The following GRIK4 variants were observed in gnomAD, a reference collection of about 807,000 sequenced individuals.
GRIK4 encodes glutamate ionotropic receptor kainate type subunit 4, also known as glutamate receptor ionotropic, kainate 4.
Under a neutral mutation model 104.9 loss-of-function variants are expected in GRIK4, and 40 were observed. That is an observed-to-expected ratio of 0.38 (90% confidence interval 0.30 to 0.50). The LOEUF (loss-of-function observed/expected upper bound fraction) is 0.50. Among genes scored for constraint, GRIK4 ranks in the 20% least tolerant of loss-of-function variants. The probability of loss-of-function intolerance (pLI) is 0.93; values close to 1 mark genes in which losing one functional copy is unlikely to be tolerated. For synonymous variants in GRIK4, 485 were observed against 524.9 expected (o/e 0.92, Z 1.04); for missense variants, 1,047 against 1,308.1 (o/e 0.80, Z 3.08).
At chr11:120,638,995 G>C (rs868188403) in intron 1 of GRIK4, among the ~76,000 whole-genome samples, 2 of 151,606 alleles carry the variant, frequency 1.3e-5, no homozygotes, top group Non-Finnish European at 2.9e-5. Flanking sequence ...TCAGGAGTTC[G>C]AAACCAGCCT....
chr11:120,751,156 C>T (rs920200124), intron 3 of GRIK4, among the ~76,000 whole-genome samples: 1 of 151,906 alleles, frequency 6.6e-6, no homozygotes, highest in African/African-American at 2.4e-5. Context: ...GCTCACCACC[C>T]AGACTCCCTA....
rs536761308 is a variant in GRIK4 at position 120,676,861 on chromosome 11, G to T, written c.82+16461G>T. On this transcript the variant is annotated intron_variant, in intron 3 of 20. Coordinates refer to ENST00000527524, the MANE Select transcript of GRIK4 (RefSeq NM_014619.5). ...TGGGTTTTAGGATGTGGGCATCTTTGGGGGCCATTATTCTTTCTACAACAA... is the reference window on the plus strand; with the variant it reads ...TGGGTTTTAGGATGTGGGCATCTTTTGGGGCCATTATTCTTTCTACAACAA... 7.5e-4 allele frequency among the ~76,000 whole-genome samples: 114 copies of T among 152,308 alleles called. 1 individual carries two copies. The South Asian group carries it at 0.016, about 21-fold the overall frequency.
At chr11:120,652,563 C>T (rs1949634488) in intron 1 of GRIK4, among the ~76,000 whole-genome samples, 2 of 152,140 alleles carry the variant, frequency 1.3e-5, no homozygotes, top group Admixed American at 1.3e-4. Flanking sequence ...GGAGTTTCTC[C>T]CAGCCAGTGG....
chr11:120,918,646 G>T (rs972460208), intron 13 of GRIK4, among the ~76,000 whole-genome samples: 1 of 152,146 alleles, frequency 6.6e-6, no homozygotes, highest in Non-Finnish European at 1.5e-5. Flanking sequence ...CACTAAGTCT[G>T]CTCAGAGGGC....
chr11:120,632,150 T>C (rs1469242080), intron 1 of GRIK4, among the ~76,000 whole-genome samples: 1 of 152,150 alleles, frequency 6.6e-6, no homozygotes, highest in Non-Finnish European at 1.5e-5. Flanking sequence ...GCCTCATGAA[T>C]GGGATGTGTG....
At chr11:120,886,323 G>T (rs1259835451) in intron 11 of GRIK4, among the ~76,000 whole-genome samples, 4 of 152,112 alleles carry the variant, frequency 2.6e-5, no homozygotes, top group South Asian at 2.1e-4. Flanking sequence ...CTTTTTCTTG[G>T]TAATGTTTCT....
intron 3 of GRIK4, among the ~76,000 whole-genome samples, chr11:120,672,631 A>G (rs1309328580): frequency 6.6e-6 from 1 of 152,114 alleles, no homozygotes; most frequent in Non-Finnish European, 1.5e-5. Context: ...GTTCTCCTTG[A>G]AGAGGTCCTT....
chr11:120,654,936 A>G (rs1949680901), intron 2 of GRIK4, among the ~76,000 whole-genome samples: 1 of 152,038 alleles, frequency 6.6e-6, no homozygotes, highest in Non-Finnish European at 1.5e-5. Flanking sequence ...CTCGGCATAT[A>G]TTACTGTGAT....
At chr11:120,755,641 A>T (rs971310612) in intron 3 of GRIK4, among the ~76,000 whole-genome samples, 4 of 149,434 alleles carry the variant, frequency 2.7e-5, no homozygotes, top group South Asian at 2.1e-4. Flanking sequence ...CAAAGATAAT[A>T]AATAATAATA....
chr11:120,958,630 G>A (rs1440770912), intron 16 of GRIK4, among the ~76,000 whole-genome samples: 3 of 152,214 alleles, frequency 2.0e-5, no homozygotes, highest in Non-Finnish European at 2.9e-5. Context: ...ACACAGGAGC[G>A]AGGCTCCACT....
intron 19 of GRIK4, among the ~76,000 whole-genome samples, chr11:120,971,880 T>G (rs984254273): frequency 2.0e-5 from 3 of 152,204 alleles, no homozygotes; most frequent in African/African-American, 7.2e-5. Flanking sequence ...CTTAAGGGAC[T>G]GTTGAAAACC....
chr11:120,644,010 T>A (rs1455791899), intron 1 of GRIK4, among the ~76,000 whole-genome samples: 1 of 103,680 alleles, frequency 9.6e-6, no homozygotes, highest in Non-Finnish European at 1.9e-5. Context: ...GGGGAGAGGG[T>A]CTGTGTGTGT....
chr11:120,863,623 G>T (rs1053488343), intron 9 of GRIK4, among the ~76,000 whole-genome samples: 7 of 152,204 alleles, frequency 4.6e-5, no homozygotes, highest in African/African-American at 1.7e-4. Flanking sequence ...AATGGAATTG[G>T]GTACACTCCT....
At chr11:120,529,764 G>A (rs373606907) in intron 1 of GRIK4, among the ~76,000 whole-genome samples, 2 of 152,188 alleles carry the variant, frequency 1.3e-5, no homozygotes, top group African/African-American at 4.8e-5. Context: ...TTGCTTTTAG[G>A]TGCTTTCACA....
chr11:120,769,300 C>T (rs35114640), intron 3 of GRIK4, among the ~76,000 whole-genome samples: 14 of 151,810 alleles, frequency 9.2e-5, no homozygotes, highest in Admixed American at 5.2e-4. Flanking sequence ...CATTTCCTCT[C>T]GGTTGTTCAG....
At chr11:120,901,396 T>C (rs1335485625) in intron 12 of GRIK4, among the ~76,000 whole-genome samples, 1 of 152,074 alleles carries the variant, frequency 6.6e-6, no homozygotes, top group Non-Finnish European at 1.5e-5. Flanking sequence ...TTCCCTCTAA[T>C]TTCTGTTTCC....
At chr11:120,861,858 A>G in intron 8 of GRIK4, 101 bp from the exon 9 acceptor site, 1 of 875,846 alleles carries the variant, frequency 1.1e-6, no homozygotes, top group South Asian at 1.5e-5. Context: ...TCTGGTGTTC[A>G]CTGGACTAGA....
intron 3 of GRIK4, among the ~76,000 whole-genome samples, chr11:120,785,379 T>C (rs879870015): frequency 1.3e-5 from 2 of 152,168 alleles, no homozygotes; most frequent in Admixed American, 6.5e-5. Flanking sequence ...GGTGAGCCGG[T>C]CCACAGAGAG....
chr11:120,614,163 C>T (rs1317813), intron 1 of GRIK4, among the ~76,000 whole-genome samples: 8,787 of 152,244 alleles, frequency 0.058, 360 homozygotes, highest in Non-Finnish European at 0.088. Context: ...AGGCGTGGCT[C>T]CCCCAGAAAC....
Sources: gnomAD v4.1 joint callset for allele counts (sites outside exome capture counted in the v4.1 genomes callset) on GRCh38, gnomAD v4.1.1 for gene constraint, MANE v1.5 for transcripts, NCBI Gene and HGNC (gene_info 2026-07-23, HGNC 2026-07-21) for gene names.